The following CIB2 variants were observed in gnomAD, a reference collection of about 807,000 sequenced individuals.
CIB2 encodes the protein calcium and integrin-binding family member 2.
In CIB2, 19 loss-of-function variants were observed where a neutral mutation model predicts 23.1. The observed-to-expected ratio is 0.82, with a 90% confidence interval of 0.57 to 1.21. The LOEUF is 1.21. Ranked by LOEUF, CIB2 falls within the 50% of genes most tolerant of loss-of-function variation. The pLI, the probability that CIB2 is intolerant of heterozygous loss-of-function variation, is 0.00. For missense variants in CIB2, 220 were observed against 241.5 expected, an observed-to-expected ratio of 0.91 and a Z score of 0.59; for synonymous variants, 94 against 91.7, an observed-to-expected ratio of 1.03 and a Z score of -0.14.
chr15:78,119,462 T>A (rs899855810), intron 2 of CIB2, among the ~76,000 whole-genome samples: 5 of 152,242 alleles, frequency 3.3e-5, no homozygotes, highest in Admixed American at 1.3e-4. Flanking sequence ...TGCTGGATCA[T>A]GTGGTGATTT....
intron 2 of CIB2, among the ~76,000 whole-genome samples, chr15:78,114,038 A>C (rs1334743376): frequency 6.6e-6 from 1 of 152,162 alleles, no homozygotes; most frequent in African/African-American, 2.4e-5. Context: ...AGTGTGGGTA[A>C]GTGGGTTAAT....
chr15:78,126,413 G>A (rs1348741806), intron 1 of CIB2, among the ~76,000 whole-genome samples: 1 of 152,196 alleles, frequency 6.6e-6, no homozygotes, highest in African/African-American at 2.4e-5. Context: ...CAAAGTGCCG[G>A]GATTATAGGC....
chr15:78,116,917 A>AT (rs1252448417), intron 2 of CIB2, among the ~76,000 whole-genome samples: 1 of 150,298 alleles, frequency 6.7e-6, no homozygotes, highest in African/African-American at 2.5e-5. Flanking sequence ...TGTTTCTATA[A>AT]TTTTTTTTAA....
chr15:78,105,143 G>A lies in CIB2; in HGVS notation c.*168C>T. On this transcript the variant is annotated 3_prime_UTR_variant, in exon 6 of 6. Transcript: ENST00000258930. ...GTGGGAAGGGTCCTAACCTTCACAG[G>A]CCCCCTTCCTGGTTAAGGTTTTTTT... The A allele has an allele frequency of 1.1e-6, 1 of 917,414 alleles. No homozygotes were observed. The highest frequency in any genetic ancestry group is 1.6e-6 in the Non-Finnish European group (1 of 613,180). 56.8% of individuals were successfully genotyped at this position (917,414 alleles called of 1,614,324 possible).
intron 2 of CIB2, among the ~76,000 whole-genome samples, chr15:78,114,142 A>C (rs1447051018): frequency 6.6e-6 from 1 of 152,204 alleles, no homozygotes; most frequent in Non-Finnish European, 1.5e-5. Flanking sequence ...TTCAACTGGC[A>C]GCTTTTAGCA....
chr15:78,118,491 A>G (rs574521492), intron 2 of CIB2, among the ~76,000 whole-genome samples: 1 of 151,098 alleles, frequency 6.6e-6, no homozygotes, highest in East Asian at 1.9e-4. Flanking sequence ...CAGGAGGCTG[A>G]GGCAGGAGAA....
chr15:78,107,913 T>G (rs1373069537), intron 4 of CIB2, among the ~76,000 whole-genome samples: 1 of 152,212 alleles, frequency 6.6e-6, no homozygotes, highest in Admixed American at 6.5e-5. Flanking sequence ...GGCTCACACC[T>G]GTAATCACAG....
chr15:78,108,942 C>A (rs2074111445), intron 4 of CIB2, among the ~76,000 whole-genome samples: 1 of 150,550 alleles, frequency 6.6e-6, no homozygotes, highest in South Asian at 2.1e-4. Flanking sequence ...CTTCTCCAGT[C>A]CAAGCCTCTG....
At chr15:78,116,294 C>T (rs1188087989) in intron 2 of CIB2, among the ~76,000 whole-genome samples, 2 of 151,498 alleles carry the variant, frequency 1.3e-5, no homozygotes, top group African/African-American at 4.9e-5. Context: ...ACCCTTGTCT[C>T]TACAAAAAAT....
At chr15:78,108,391 C>T (rs2074102462) in intron 4 of CIB2, among the ~76,000 whole-genome samples, 1 of 152,118 alleles carries the variant, frequency 6.6e-6, no homozygotes, top group African/African-American at 2.4e-5. Flanking sequence ...TGAGGTCTAT[C>T]TGAGGATTTG....
intron 4 of CIB2, among the ~76,000 whole-genome samples, chr15:78,108,183 G>A (rs1220417608): frequency 2.8e-5 from 4 of 142,764 alleles, no homozygotes; most frequent in Admixed American, 7.2e-5. Flanking sequence ...CAGCCTGGGC[G>A]ACAGTGGGAC....
chr15:78,121,718 G>C (rs1001457311), intron 2 of CIB2, among the ~76,000 whole-genome samples: 2 of 152,120 alleles, frequency 1.3e-5, no homozygotes, highest in Non-Finnish European at 2.9e-5. Flanking sequence ...GTTTCCTGAG[G>C]CCTCCCCAGC....
intron 2 of CIB2, among the ~76,000 whole-genome samples, chr15:78,122,525 G>A (rs181746548): frequency 3.3e-5 from 5 of 152,328 alleles, no homozygotes; most frequent in Admixed American, 6.5e-5. Flanking sequence ...CCATCCTGTC[G>A]AAATGGGGAC....
intron 1 of CIB2, among the ~76,000 whole-genome samples, chr15:78,127,839 G>A (rs1280256458): frequency 6.6e-6 from 1 of 152,218 alleles, no homozygotes; most frequent in Non-Finnish European, 1.5e-5. Context: ...AGAACCCTGT[G>A]ACATGAGCAC....
chr15:78,124,461 A>G (rs1456140328), intron 1 of CIB2, among the ~76,000 whole-genome samples: 1 of 151,892 alleles, frequency 6.6e-6, no homozygotes, highest in Non-Finnish European at 1.5e-5. Context: ...TGACAAACTC[A>G]TCTCGGAGGG....
At chr15:78,111,504 T>C (rs977711866) in intron 2 of CIB2, among the ~76,000 whole-genome samples, 14 of 152,202 alleles carry the variant, frequency 9.2e-5, no homozygotes, top group African/African-American at 3.4e-4. Context: ...GGCCTCCCTA[T>C]TTCCACCACA....
intron 2 of CIB2, among the ~76,000 whole-genome samples, chr15:78,115,538 A>T (rs1192712051): frequency 6.6e-6 from 1 of 152,104 alleles, no homozygotes; most frequent in Non-Finnish European, 1.5e-5. Flanking sequence ...TGAGATTACA[A>T]GCATGAGCCA....
At chr15:78,123,341 C>T (rs1386642109) in intron 2 of CIB2, among the ~76,000 whole-genome samples, 2 of 152,188 alleles carry the variant, frequency 1.3e-5, no homozygotes, top group East Asian at 1.9e-4. Context: ...GAGGCTGGGT[C>T]TTGAGTCCCT....
At chr15:78,120,903 G>T (rs567414064) in intron 2 of CIB2, among the ~76,000 whole-genome samples, 1 of 152,198 alleles carries the variant, frequency 6.6e-6, no homozygotes, top group Non-Finnish European at 1.5e-5. Flanking sequence ...AGCATGGCCT[G>T]GGGCTGGATA....
Sources: gnomAD v4.1 joint callset for allele counts (sites outside exome capture counted in the v4.1 genomes callset) on GRCh38, gnomAD v4.1.1 for gene constraint, MANE v1.5 for transcripts, NCBI Gene and HGNC (gene_info 2026-07-23, HGNC 2026-07-21) for gene names.